Variants in CACNA2D1 observed in about 807,000 individuals in gnomAD.
CACNA2D1 encodes calcium voltage-gated channel auxiliary subunit alpha2delta 1, also known as voltage-dependent calcium channel subunit alpha-2/delta-1.
Under a neutral mutation model 171.5 loss-of-function variants are expected in CACNA2D1, and 53 were observed. That is an observed-to-expected ratio of 0.31 (90% confidence interval 0.25 to 0.39). CACNA2D1 has a LOEUF of 0.39. Ranked by LOEUF, CACNA2D1 falls within the 10% of genes least tolerant of loss-of-function variation. The pLI, the probability that CACNA2D1 is intolerant of heterozygous loss-of-function variation, is 1.00. For missense variants in CACNA2D1, 903 were observed against 1,299.8 expected (o/e 0.69, Z 4.69); for synonymous variants, 442 against 443.1 (o/e 1.00, Z 0.03).
intron 1 of CACNA2D1, among the ~76,000 whole-genome samples, chr7:82,394,049 T>C (rs1825503415): frequency 6.6e-6 from 1 of 152,078 alleles, no homozygotes; most frequent in African/African-American, 2.4e-5. Context: ...GCTGAGAATA[T>C]GCAATGCAAA....
At chr7:82,042,478 G>A (rs1362218553) in intron 10 of CACNA2D1, among the ~76,000 whole-genome samples, 2 of 152,144 alleles carry the variant, frequency 1.3e-5, no homozygotes, top group Non-Finnish European at 1.5e-5. Flanking sequence ...GTAAAAGTGT[G>A]TATTTAACAT....
At chr7:82,227,742 T>G (rs540910655) in intron 3 of CACNA2D1, among the ~76,000 whole-genome samples, 59 of 152,216 alleles carry the variant, frequency 3.9e-4, no homozygotes, top group Non-Finnish European at 4.7e-4. Flanking sequence ...TTGGATGTTT[T>G]TTAACTTTAG....
intron 8 of CACNA2D1, 69 bp downstream of exon 8, chr7:82,066,386 T>G: frequency 1.9e-6 from 3 of 1,576,192 alleles, no homozygotes; most frequent in Non-Finnish European, 1.7e-6. Flanking sequence ...AATAAAAAAT[T>G]CTGACTTTTT....
At chr7:82,008,178 T>C (rs1423468772) in intron 15 of CACNA2D1, among the ~76,000 whole-genome samples, 1 of 152,128 alleles carries the variant, frequency 6.6e-6, no homozygotes, top group East Asian at 1.9e-4. Flanking sequence ...TGTAGCCTTA[T>C]TCTTTATTTT....
At chr7:82,322,306 C>A (rs956902923) in intron 3 of CACNA2D1, among the ~76,000 whole-genome samples, 6 of 151,130 alleles carry the variant, frequency 4.0e-5, no homozygotes, top group Admixed American at 6.6e-5. Flanking sequence ...CCAAAATTCC[C>A]AAATTCCATC....
intron 23 of CACNA2D1, among the ~76,000 whole-genome samples, chr7:81,983,009 TA>T (rs368464612): frequency 4.6e-5 from 7 of 152,170 alleles, no homozygotes; most frequent in Non-Finnish European, 8.8e-5. Context: ...AAAATGATGT[TA>T]AAAAACTCAT....
intron 18 of CACNA2D1, among the ~76,000 whole-genome samples, chr7:82,004,136 C>G (rs1798892335): frequency 6.6e-6 from 1 of 151,930 alleles, no homozygotes; most frequent in Admixed American, 6.6e-5. Context: ...AATAATACTT[C>G]AAAATTATAA....
At chr7:82,185,121 G>A (rs1385950557) in intron 3 of CACNA2D1, among the ~76,000 whole-genome samples, 3 of 152,084 alleles carry the variant, frequency 2.0e-5, no homozygotes, top group Non-Finnish European at 4.4e-5. Flanking sequence ...ACTATGAATA[G>A]GAGTAATTTC....
At chr7:82,405,048 T>C (rs1220137533) in intron 1 of CACNA2D1, among the ~76,000 whole-genome samples, 5 of 152,234 alleles carry the variant, frequency 3.3e-5, no homozygotes, top group African/African-American at 7.2e-5. Context: ...TTTGGTACTA[T>C]GATAACTTTT....
intron 24 of CACNA2D1, among the ~76,000 whole-genome samples, chr7:81,975,311 T>C (rs1269750140): frequency 6.6e-6 from 1 of 152,160 alleles, no homozygotes; most frequent in Non-Finnish European, 1.5e-5. Context: ...TACATGTTAA[T>C]ATATTTTAAT....
chr7:82,385,849 G>A (rs55897186), intron 1 of CACNA2D1, among the ~76,000 whole-genome samples: 5,948 of 152,086 alleles, frequency 0.039, 397 homozygotes, highest in African/African-American at 0.14. Flanking sequence ...ATTTTTAGTA[G>A]AGACGGGGTT....
chr7:82,273,858 T>C (rs1051755551), intron 3 of CACNA2D1, among the ~76,000 whole-genome samples: 2 of 152,198 alleles, frequency 1.3e-5, no homozygotes, highest in Non-Finnish European at 2.9e-5. Flanking sequence ...ATGTTAATAA[T>C]ATTTATACCT....
chr7:82,347,762 G>A (rs959767880), intron 2 of CACNA2D1, among the ~76,000 whole-genome samples: 7 of 151,988 alleles, frequency 4.6e-5, no homozygotes, highest in Non-Finnish European at 8.8e-5. Flanking sequence ...TTCTGTGACC[G>A]TAATGAGGTA....
At chr7:82,088,049 C>A (rs564225716) in intron 6 of CACNA2D1, among the ~76,000 whole-genome samples, 1 of 152,090 alleles carries the variant, frequency 6.6e-6, no homozygotes, top group Non-Finnish European at 1.5e-5. Context: ...GTCTGTCTCT[C>A]TAAATATGTG....
chr7:82,251,786 A>G (rs1027975577), intron 3 of CACNA2D1, among the ~76,000 whole-genome samples: 5 of 152,206 alleles, frequency 3.3e-5, no homozygotes, highest in Non-Finnish European at 7.3e-5. Context: ...CAAGTAGTCC[A>G]TTAGTGGTTA....
intron 3 of CACNA2D1, among the ~76,000 whole-genome samples, chr7:82,249,014 G>A (rs1217655600): frequency 6.6e-6 from 1 of 151,992 alleles, no homozygotes; most frequent in Non-Finnish European, 1.5e-5. Flanking sequence ...CTACTCAGGA[G>A]GCTGAGGCAG....
chr7:82,022,246 C>T (rs1801308416), intron 12 of CACNA2D1, among the ~76,000 whole-genome samples: 3 of 151,654 alleles, frequency 2.0e-5, no homozygotes, highest in South Asian at 4.2e-4. Context: ...CACACACACA[C>T]ACACACGTGC....
chr7:82,252,158 C>T (rs976725313), intron 3 of CACNA2D1, among the ~76,000 whole-genome samples: 1 of 152,110 alleles, frequency 6.6e-6, no homozygotes, highest in Admixed American at 6.5e-5. Flanking sequence ...AAAATAGAAA[C>T]TAAATTTCAG....
chr7:82,246,664 C>T (rs1293079136), intron 3 of CACNA2D1, among the ~76,000 whole-genome samples: 1 of 151,968 alleles, frequency 6.6e-6, no homozygotes, highest in Non-Finnish European at 1.5e-5. Context: ...GTTGAGATAC[C>T]TATAGAAGTT....
Sources: gnomAD v4.1 joint callset for allele counts (sites outside exome capture counted in the v4.1 genomes callset) on GRCh38, gnomAD v4.1.1 for gene constraint, MANE v1.5 for transcripts, NCBI Gene and HGNC (gene_info 2026-07-23, HGNC 2026-07-21) for gene names.